PLEK: variants seen among roughly 807,000 people sequenced by gnomAD.
PLEK encodes the protein platelet 47 kDa protein.
A neutral mutation model predicts 43.9 loss-of-function variants in PLEK; 25 were observed. The ratio of observed to expected loss-of-function variants is 0.57; its 90% CI spans 0.41 to 0.79. The LOEUF is 0.79. Ranked by LOEUF, PLEK falls within the 30% of genes least tolerant of loss-of-function variation. The pLI is 0.00. For synonymous variants in PLEK, 152 were observed against 144.4 expected (o/e 1.05, Z -0.38); for missense variants, 396 against 413.3 (o/e 0.96, Z 0.36).
intron 5 of PLEK, 104 bp downstream of exon 5, chr2:68,386,790 G>A (rs1673752918): frequency 9.8e-6 from 8 of 819,284 alleles, no homozygotes; most frequent in East Asian, 2.5e-5. Flanking sequence ...GTTAGGCAGC[G>A]GGTAGGGAGG....
intron 8 of PLEK, among the ~76,000 whole-genome samples, chr2:68,395,052 G>A (rs961194603): frequency 4.6e-5 from 7 of 152,150 alleles, no homozygotes; most frequent in South Asian, 4.1e-4. Flanking sequence ...TTTAAATCTT[G>A]TCACAGTATT....
Position 68,380,805 on chromosome 2 carries a change from G to C in PLEK, c.281G>C (p.Arg94Pro). Residue 94 changes from arginine (R) to proline (P), a missense_variant, in exon 3 of 9, where the codon CGG (arginine) becomes CCG (proline). Arg to Pro is a moderately radical substitution (Grantham distance 103). Transcript: ENST00000234313. ...CTGGAGGAGAGAGATGCCTGGGTTCGGGATATCAAGAAGGCCATTAAATGC... is the reference window on the plus strand; with the variant it reads ...CTGGAGGAGAGAGATGCCTGGGTTCCGGATATCAAGAAGGCCATTAAATGC... The part of the protein sequence containing the change: ...AFLEERDAWV[R>P]DIKKAIKCIE... The C allele has an allele frequency of 6.2e-7, 1 of 1,613,914 alleles. No homozygotes were observed. The highest frequency in any genetic ancestry group is 8.5e-7 in the Non-Finnish European group (1 of 1,179,848).
At chr2:68,395,584 C>A in intron 8 of PLEK, 96 bp from the exon 9 acceptor site, 2 of 1,335,644 alleles carry the variant, frequency 1.5e-6, no homozygotes, top group South Asian at 1.2e-5. Flanking sequence ...CCTTAGAACA[C>A]GAAGAAAACA....
chr2:68,392,684 T>G (rs934570462), intron 6 of PLEK, among the ~76,000 whole-genome samples: 2 of 152,218 alleles, frequency 1.3e-5, no homozygotes, highest in Non-Finnish European at 2.9e-5. Flanking sequence ...CATGGATAAG[T>G]GCAGGTCTTT....
intron 5 of PLEK, 22 bp downstream of exon 5, chr2:68,386,708 T>C: frequency 6.3e-7 from 1 of 1,590,214 alleles, no homozygotes; most frequent in Non-Finnish European, 8.6e-7. Flanking sequence ...TCCCCATCTC[T>C]TCTTCCTGTA....
At chr2:68,389,639 G>A (rs563141789) in intron 6 of PLEK, among the ~76,000 whole-genome samples, 1 of 152,312 alleles carries the variant, frequency 6.6e-6, no homozygotes, top group African/African-American at 2.4e-5. Flanking sequence ...TTCATATCAG[G>A]TTTTAAGAGA....
At chr2:68,388,819 G>T (rs915363408) in intron 6 of PLEK, among the ~76,000 whole-genome samples, 3 of 152,080 alleles carry the variant, frequency 2.0e-5, no homozygotes, top group Non-Finnish European at 4.4e-5. Flanking sequence ...GCTGTCTCAT[G>T]GTAAAAGTAC....
intron 1 of PLEK, among the ~76,000 whole-genome samples, chr2:68,366,626 G>A (rs988956828): frequency 3.6e-4 from 55 of 152,198 alleles, no homozygotes; most frequent in African/African-American, 1.1e-3. Context: ...GCTATGAGTT[G>A]GTACTGGAGA....
At chr2:68,384,727 A>G (rs146324841) in intron 4 of PLEK, among the ~76,000 whole-genome samples, 3 of 152,312 alleles carry the variant, frequency 2.0e-5, no homozygotes, top group Non-Finnish European at 2.9e-5. Flanking sequence ...AAGCTTCAGC[A>G]TGCCTCACTG....
At chr2:68,373,230 T>C (rs1034624493) in intron 1 of PLEK, among the ~76,000 whole-genome samples, 8 of 152,126 alleles carry the variant, frequency 5.3e-5, no homozygotes, top group African/African-American at 9.7e-5. Flanking sequence ...AATTCCATCA[T>C]CCTGACCTAA....
At chr2:68,370,517 G>T (rs1165776974) in intron 1 of PLEK, among the ~76,000 whole-genome samples, 1 of 152,116 alleles carries the variant, frequency 6.6e-6, no homozygotes, top group African/African-American at 2.4e-5. Flanking sequence ...ACAGAGTATT[G>T]CTCTGTAGTC....
chr2:68,373,231 C>A (rs958536477), intron 1 of PLEK, among the ~76,000 whole-genome samples: 1 of 152,220 alleles, frequency 6.6e-6, no homozygotes, highest in Admixed American at 6.5e-5. Context: ...ATTCCATCAT[C>A]CTGACCTAAC....
At chr2:68,375,725 G>A (rs1167839795) in intron 1 of PLEK, among the ~76,000 whole-genome samples, 2 of 152,186 alleles carry the variant, frequency 1.3e-5, no homozygotes, top group African/African-American at 4.8e-5. Flanking sequence ...GAGATAAGCA[G>A]CAGGGTCTCT....
Position 68,386,545 on chromosome 2 carries a change from G to GA in PLEK, c.518dup (p.Asn173LysfsTer15), listed in dbSNP as rs1195571912. 6.2e-7 allele frequency: 1 copy of GA among 1,613,738 alleles called. No individual in the cohort carries two copies. The highest frequency in any genetic ancestry group is 8.5e-7 in the Non-Finnish European group (1 of 1,179,822). On this transcript the variant is annotated frameshift_variant, in exon 5 of 9. Transcript: ENST00000234313. LOFTEE classifies it high-confidence loss of function. The stretch of plus-strand genomic sequence containing the variant: ...GGCTGGTATCCAACCAGTCTGTTAG[G>GA]AATCGCCAGGAAGGCCTCATGATTG...
chr2:68,367,290 G>C (rs951352735), intron 1 of PLEK, among the ~76,000 whole-genome samples: 1 of 150,498 alleles, frequency 6.6e-6, no homozygotes, highest in Non-Finnish European at 1.5e-5. Context: ...TTAATTTTAG[G>C]TTCAGGAGTA....
intron 6 of PLEK, 139 bp from the exon 7 acceptor site, chr2:68,393,023 G>A: frequency 1.4e-6 from 1 of 699,310 alleles, no homozygotes; most frequent in South Asian, 1.7e-5. Flanking sequence ...CCTAGGCCGG[G>A]ATATTGTTAT....
At chr2:68,377,248 A>T (rs10206825) in intron 1 of PLEK, among the ~76,000 whole-genome samples, 80,390 of 151,966 alleles carry the variant, frequency 0.53, 22,837 homozygotes, top group East Asian at 0.76. Flanking sequence ...CAGATATCTC[A>T]TCCATATACC....
chr2:68,373,008 A>T (rs1009998005), intron 1 of PLEK, among the ~76,000 whole-genome samples: 6 of 152,108 alleles, frequency 3.9e-5, no homozygotes, highest in African/African-American at 1.4e-4. Flanking sequence ...TTTTTTATCA[A>T]TATGGTGACA....
At chr2:68,389,386 A>G (rs555670239) in intron 6 of PLEK, among the ~76,000 whole-genome samples, 52 of 152,362 alleles carry the variant, frequency 3.4e-4, no homozygotes, top group Non-Finnish European at 6.9e-4. Context: ...ATCTGTTGCC[A>G]TCAGGAGATT....
Sources: allele counts gnomAD v4.1 joint callset (sites outside exome capture counted in the v4.1 genomes callset), GRCh38; gene constraint gnomAD v4.1.1; transcripts MANE v1.5; gene names NCBI Gene and HGNC (gene_info 2026-07-23, HGNC 2026-07-21).